PTPRD: variants seen among roughly 807,000 people sequenced by gnomAD.
PTPRD encodes receptor-type tyrosine-protein phosphatase delta.
A neutral mutation model predicts 214.5 loss-of-function variants in PTPRD; 34 were observed. The observed-to-expected ratio is 0.16, with a 90% CI of 0.12 to 0.21. The LOEUF is 0.21. Ranked by LOEUF, PTPRD falls within the 10% of genes least tolerant of loss-of-function variation. PTPRD has a pLI of 1.00. For synonymous variants in PTPRD, 1,128 were observed against 845.7 expected (o/e 1.33, Z -5.79); for missense variants, 2,545 against 2,398.7 (o/e 1.06, Z -1.27).
At chr9:8,949,200 G>A (rs2099088707) in intron 11 of PTPRD, among the ~76,000 whole-genome samples, 1 of 148,456 alleles carries the variant, frequency 6.7e-6, no homozygotes, top group East Asian at 2.0e-4. Context: ...CTCCAGCCTG[G>A]GCAACAGAGC....
At chr9:9,367,069 C>G (rs191866166) in intron 9 of PTPRD, among the ~76,000 whole-genome samples, 29 of 150,986 alleles carry the variant, frequency 1.9e-4, no homozygotes, top group Admixed American at 6.0e-4. Context: ...AAATAAAAAC[C>G]CTTTGTCCCA....
At chr9:8,939,555 T>C (rs1394208949) in intron 11 of PTPRD, among the ~76,000 whole-genome samples, 1 of 108,000 alleles carries the variant, frequency 9.3e-6, no homozygotes, top group East Asian at 2.8e-4. Flanking sequence ...TTTTCATCTA[T>C]GTGTATGTTG....
chr9:10,189,687 G>A (rs1044709353), intron 3 of PTPRD, among the ~76,000 whole-genome samples: 3 of 151,786 alleles, frequency 2.0e-5, no homozygotes, highest in Non-Finnish European at 4.4e-5. Context: ...AAGAAACAAC[G>A]GCTGTAAAAA....
chr9:8,559,233 A>T (rs2085194947), intron 14 of PTPRD, among the ~76,000 whole-genome samples: 1 of 152,228 alleles, frequency 6.6e-6, no homozygotes, highest in African/African-American at 2.4e-5. Context: ...TTCGTTGTTT[A>T]TTTCAAAAGC....
chr9:8,507,954 T>C lies in PTPRD; in HGVS notation c.1544-520A>G, dbSNP rs534425784. ...GCAAACAGAATCACTCAGCATTTTT[T>C]CTTACCAGCCCACATTTTGAAGAAG... On this transcript the variant is annotated intron_variant, in intron 21 of 45. Coordinates refer to ENST00000381196, the MANE Select transcript of PTPRD (RefSeq NM_002839.4). Among the ~76,000 whole-genome samples the C allele has an allele frequency of 5.3e-5, 8 of 152,248 alleles. No homozygotes were observed. The East Asian group carries it at 1.5e-3, about 29-fold the overall frequency.
At position 10,055,816 on chromosome 9, in the gene PTPRD, T is replaced by C. The variant is rs371036177; in HGVS notation, c.-544-22026A>G. 7.1e-4 allele frequency among the ~76,000 whole-genome samples: 107 copies of C among 151,598 alleles called. 2 individuals are homozygous for C. In the South Asian group the frequency reaches 0.021, roughly 29 times the overall value. On this transcript the variant is annotated intron_variant, in intron 3 of 45. Coordinates refer to ENST00000381196, the MANE Select transcript of PTPRD (RefSeq NM_002839.4). ...AGGAACATTATATATAAATATAATG[T>C]ATAATGTATACATTATACATTATGT...
At chr9:9,211,511 G>A (rs911358522) in intron 9 of PTPRD, among the ~76,000 whole-genome samples, 6 of 107,920 alleles carry the variant, frequency 5.6e-5, no homozygotes, top group South Asian at 3.4e-4. Flanking sequence ...CCCAGTGTGC[G>A]CACGCACACA....
At chr9:9,708,953 C>A (rs1469519536) in intron 7 of PTPRD, among the ~76,000 whole-genome samples, 2 of 151,930 alleles carry the variant, frequency 1.3e-5, no homozygotes, top group Non-Finnish European at 2.9e-5. Flanking sequence ...TAGAGACTCT[C>A]CAGATTACAT....
chr9:10,475,479 A>C (rs1036631850), intron 2 of PTPRD, among the ~76,000 whole-genome samples: 4 of 152,130 alleles, frequency 2.6e-5, no homozygotes, highest in African/African-American at 9.7e-5. Flanking sequence ...TCTGAAATTG[A>C]GGAAATAACT....
intron 3 of PTPRD, among the ~76,000 whole-genome samples, chr9:10,072,287 C>A (rs1406954680): frequency 1.3e-5 from 2 of 151,952 alleles, no homozygotes; most frequent in East Asian, 3.9e-4. Flanking sequence ...ACATATCTAG[C>A]AGAGTAGCTA....
intron 3 of PTPRD, among the ~76,000 whole-genome samples, chr9:10,173,988 C>T (rs2099229313): frequency 6.6e-6 from 1 of 152,082 alleles, no homozygotes. Flanking sequence ...TAAATGCCAG[C>T]CATATGTGTA....
chr9:10,359,905 G>C (rs2097345606), intron 2 of PTPRD, among the ~76,000 whole-genome samples: 2 of 152,068 alleles, frequency 1.3e-5, no homozygotes, highest in South Asian at 4.1e-4. Flanking sequence ...CAGGCTGTTG[G>C]AATAATTTGC....
intron 8 of PTPRD, among the ~76,000 whole-genome samples, chr9:9,514,277 C>G (rs2154248213): frequency 6.6e-6 from 1 of 152,124 alleles, no homozygotes; most frequent in African/African-American, 2.4e-5. Flanking sequence ...CAGGATCTAT[C>G]AGGTTGAAGA....
At chr9:10,284,243 C>T (rs537612510) in intron 3 of PTPRD, among the ~76,000 whole-genome samples, 10 of 151,946 alleles carry the variant, frequency 6.6e-5, no homozygotes, top group Admixed American at 5.9e-4. Flanking sequence ...AAAAAATTAA[C>T]AAAAAAATAA....
chr9:9,296,172 T>C (rs184515923), intron 9 of PTPRD, among the ~76,000 whole-genome samples: 33 of 151,886 alleles, frequency 2.2e-4, no homozygotes, highest in African/African-American at 6.5e-4. Context: ...AAAAGGGCTA[T>C]AAAATCTCTA....
intron 39 of PTPRD, among the ~76,000 whole-genome samples, chr9:8,353,029 T>C (rs891992312): frequency 6.6e-6 from 1 of 152,116 alleles, no homozygotes; most frequent in Non-Finnish European, 1.5e-5. Flanking sequence ...GAGAATCGCT[T>C]GAACCCAGAA....
At chr9:10,003,207 C>T (rs762301923) in intron 4 of PTPRD, among the ~76,000 whole-genome samples, 10 of 151,508 alleles carry the variant, frequency 6.6e-5, no homozygotes, top group Non-Finnish European at 1.3e-4. Context: ...TATGACACAT[C>T]CACAGAATTA....
intron 8 of PTPRD, among the ~76,000 whole-genome samples, chr9:9,428,556 A>T (rs1387512207): frequency 6.6e-6 from 1 of 152,226 alleles, no homozygotes; most frequent in Non-Finnish European, 1.5e-5. Flanking sequence ...AGTGGACTTA[A>T]TAAACATCTA....
chr9:10,338,649 G>C (rs1174375409), intron 3 of PTPRD, among the ~76,000 whole-genome samples: 1 of 151,638 alleles, frequency 6.6e-6, no homozygotes, highest in Non-Finnish European at 1.5e-5. Flanking sequence ...CTTATATATA[G>C]AATTTACTTG....
Sources: allele counts gnomAD v4.1 joint callset (sites outside exome capture counted in the v4.1 genomes callset), GRCh38; gene constraint gnomAD v4.1.1; transcripts MANE v1.5; gene names NCBI Gene and HGNC (gene_info 2026-07-23, HGNC 2026-07-21).